Variants in ARHGAP6 observed in about 807,000 individuals in gnomAD.
The protein encoded by ARHGAP6 is Rho GTPase activating protein 6, also known as rho GTPase-activating protein 6.
In ARHGAP6, 16 loss-of-function variants were observed where a neutral mutation model predicts 55.7. The ratio of observed to expected loss-of-function variants is 0.29; its 90% CI spans 0.19 to 0.44. ARHGAP6 has a LOEUF of 0.44. ARHGAP6 is among the 20% of genes least tolerant of loss of function. The pLI, the probability that ARHGAP6 is intolerant of heterozygous loss-of-function variation, is 1.00. For missense variants in ARHGAP6, 698 were observed against 808.9 expected, an observed-to-expected ratio of 0.86 and a Z score of 1.66; for synonymous variants, 382 against 360.9, an observed-to-expected ratio of 1.06 and a Z score of -0.66.
At chrX:11,490,198 C>T (rs2050553582) in intron 1 of ARHGAP6, among the ~76,000 whole-genome samples, 1 of 111,016 alleles carries the variant, frequency 9.0e-6, no homozygotes. Context: ...AATTATATTC[C>T]ATTATATAAG....
At chrX:11,650,549 C>T (rs1311483916) in intron 1 of ARHGAP6, among the ~76,000 whole-genome samples, 1 of 111,379 alleles carries the variant, frequency 9.0e-6, no homozygotes, top group East Asian at 2.8e-4. Flanking sequence ...TCCGGCTCTC[C>T]CCAGGGAGCA....
At chrX:11,418,567 C>T (rs150666976) in intron 1 of ARHGAP6, among the ~76,000 whole-genome samples, 2,764 of 111,999 alleles carry the variant, frequency 0.025, 40 homozygotes, top group Non-Finnish European at 0.037. Flanking sequence ...AATACATTTA[C>T]ATATTTTGAA....
At chrX:11,586,854 T>C (rs1233932644) in intron 1 of ARHGAP6, among the ~76,000 whole-genome samples, 4 of 112,132 alleles carry the variant, frequency 3.6e-5, no homozygotes, top group African/African-American at 9.7e-5. Flanking sequence ...CTTGGATCAC[T>C]GGTTTATAGT....
At chrX:11,169,773 C>CTTT in intron 8 of ARHGAP6, 89 bp from the exon 9 acceptor site, 8 of 597,773 alleles carry the variant, frequency 1.3e-5, no homozygotes, top group Non-Finnish European at 1.7e-5. Flanking sequence ...TTTTACTCTC[C>CTTT]TTTTTTTTTT....
intron 1 of ARHGAP6, among the ~76,000 whole-genome samples, chrX:11,421,510 T>C (rs2049823360): frequency 8.9e-6 from 1 of 112,026 alleles, no homozygotes; most frequent in South Asian, 3.8e-4. Context: ...CCGAGGGACA[T>C]ATTGCCAGAT....
At chrX:11,224,723 A>G (rs1005121) in intron 2 of ARHGAP6, among the ~76,000 whole-genome samples, 17,408 of 109,450 alleles carry the variant, frequency 0.16, 1,064 homozygotes, top group Middle Eastern at 0.27. Flanking sequence ...ACCGGAGCAC[A>G]TGGGGGTGGG....
At chrX:11,309,971 G>T (rs1446200942) in intron 1 of ARHGAP6, among the ~76,000 whole-genome samples, 1 of 109,413 alleles carries the variant, frequency 9.1e-6, no homozygotes, top group Non-Finnish European at 1.9e-5. Context: ...GAGCAACATG[G>T]CAAAACCTCG....
chrX:11,503,031 G>A (rs1314850520), intron 1 of ARHGAP6, among the ~76,000 whole-genome samples: 1 of 110,778 alleles, frequency 9.0e-6, no homozygotes, highest in Non-Finnish European at 1.9e-5. Flanking sequence ...AAGTAGCTGG[G>A]ATTACAGACG....
chrX:11,520,688 G>C (rs2050913757), intron 1 of ARHGAP6, among the ~76,000 whole-genome samples: 1 of 111,285 alleles, frequency 9.0e-6, no homozygotes, highest in Admixed American at 9.6e-5. Flanking sequence ...GTAATGCAAT[G>C]GCTGGGTTAA....
At chrX:11,448,139 A>C (rs1477160819) in intron 1 of ARHGAP6, among the ~76,000 whole-genome samples, 1 of 112,487 alleles carries the variant, frequency 8.9e-6, no homozygotes, top group Non-Finnish European at 1.9e-5. Flanking sequence ...ACTCTCTGTC[A>C]TGCATCCACT....
chrX:11,355,372 C>G (rs1488862608), intron 1 of ARHGAP6, among the ~76,000 whole-genome samples: 4 of 112,233 alleles, frequency 3.6e-5, no homozygotes, highest in Non-Finnish European at 7.5e-5. Context: ...AAAGCTTGGT[C>G]ATTTGACAAA....
At chrX:11,469,302 C>T (rs1486089905) in intron 1 of ARHGAP6, among the ~76,000 whole-genome samples, 2 of 112,634 alleles carry the variant, frequency 1.8e-5, no homozygotes, top group African/African-American at 3.2e-5. Flanking sequence ...ATAAATGATT[C>T]AAAGCAATCT....
intron 2 of ARHGAP6, among the ~76,000 whole-genome samples, chrX:11,215,342 G>A (rs1247297606): frequency 1.8e-5 from 2 of 113,004 alleles, no homozygotes; most frequent in East Asian, 2.8e-4. Context: ...GCAGGGCCGA[G>A]CTCTGTCTCA....
intron 1 of ARHGAP6, among the ~76,000 whole-genome samples, chrX:11,538,105 T>C (rs2051121666): frequency 1.8e-5 from 2 of 112,103 alleles, no homozygotes; most frequent in Admixed American, 1.9e-4. Flanking sequence ...TTCTAAAAGA[T>C]ACAGAGTTGT....
chrX:11,251,808 C>CT (rs978807452), intron 2 of ARHGAP6, among the ~76,000 whole-genome samples: 15 of 111,746 alleles, frequency 1.3e-4, no homozygotes, highest in African/African-American at 4.6e-4. Context: ...TGTCATAGAG[C>CT]TTGCCACCAG....
intron 2 of ARHGAP6, among the ~76,000 whole-genome samples, chrX:11,251,448 A>C (rs1308688758): frequency 9.0e-6 from 1 of 111,429 alleles, no homozygotes; most frequent in Non-Finnish European, 1.9e-5. Flanking sequence ...TTTCCTCTCT[A>C]TGGTAAATTC....
At chrX:11,425,316 G>A (rs184983612) in intron 1 of ARHGAP6, among the ~76,000 whole-genome samples, 46 of 111,982 alleles carry the variant, frequency 4.1e-4, no homozygotes, top group East Asian at 2.0e-3. Flanking sequence ...TGTGCTAAAC[G>A]GCAAAACAAG....
At chrX:11,561,034 T>C (rs5935106) in intron 1 of ARHGAP6, among the ~76,000 whole-genome samples, 29,587 of 110,936 alleles carry the variant, frequency 0.27, 3,115 homozygotes, top group African/African-American at 0.36. Context: ...GGAACATAGC[T>C]ACGTATAGTT....
intron 1 of ARHGAP6, among the ~76,000 whole-genome samples, chrX:11,301,499 C>T: frequency 8.9e-6 from 1 of 112,119 alleles, no homozygotes; most frequent in East Asian, 2.8e-4. Flanking sequence ...GTTTATATTA[C>T]ACAAACCCAT....
Sources: allele counts gnomAD v4.1 joint callset (sites outside exome capture counted in the v4.1 genomes callset), GRCh38; gene constraint gnomAD v4.1.1; transcripts MANE v1.5; gene names NCBI Gene and HGNC (gene_info 2026-07-23, HGNC 2026-07-21).